Variants in CARNMT1 observed in about 807,000 individuals in gnomAD.
The protein encoded by CARNMT1 is carnosine N-methyltransferase 1.
In CARNMT1, 28 loss-of-function variants were observed where a neutral mutation model predicts 49.6. The observed-to-expected ratio is 0.56, with a 90% CI of 0.42 to 0.77. The LOEUF (loss-of-function observed/expected upper bound fraction) is 0.77, where lower values mean the gene tolerates loss of function less well. CARNMT1 is among the 30% of genes least tolerant of loss of function. The pLI, the probability that CARNMT1 is intolerant of heterozygous loss-of-function variation, is 0.00. For missense variants in CARNMT1, 421 were observed against 512.6 expected, an observed-to-expected ratio of 0.82 and a Z score of 1.73; for synonymous variants, 178 against 175.0, an observed-to-expected ratio of 1.02 and a Z score of -0.13.
chr9:75,004,131 T>C (rs1357676720), intron 3 of CARNMT1, among the ~76,000 whole-genome samples: 2 of 152,226 alleles, frequency 1.3e-5, no homozygotes, highest in South Asian at 2.1e-4. Context: ...TACTTCAGCC[T>C]CCCAAAGTGT....
chr9:75,011,320 T>C (rs1194327853), intron 3 of CARNMT1, among the ~76,000 whole-genome samples: 1 of 152,162 alleles, frequency 6.6e-6, no homozygotes, highest in Non-Finnish European at 1.5e-5. Context: ...ATGTCTTGTT[T>C]CTACCCAACA....
chr9:75,000,687 A>G (rs1833327981), intron 3 of CARNMT1, among the ~76,000 whole-genome samples: 1 of 152,142 alleles, frequency 6.6e-6, no homozygotes, highest in African/African-American at 2.4e-5. Flanking sequence ...AGCTAATATC[A>G]TGTCAGGAAG....
At position 74,982,517 on chromosome 9, in the gene CARNMT1, A is replaced by T. The variant is rs1832715451; in HGVS notation, c.*1250T>A. The T allele has an allele frequency of 1.3e-5, 2 of 152,214 alleles. No individual in the cohort carries two copies. Among genetic ancestry groups the T allele is most frequent in the Admixed American group, 6.5e-5 (1 of 15,276 alleles). The allele number at this position is 152,214 out of a possible 1,614,324, so 9.4% of individuals were successfully genotyped here. On this transcript the variant is annotated 3_prime_UTR_variant, in exon 8 of 8. Transcript: ENST00000376834. ...ATATACTGTTTAAGCTCCATCTATC[A>T]GGGAACAAAATTGGTATTAATCTGA...
intron 1 of CARNMT1, among the ~76,000 whole-genome samples, chr9:75,026,596 G>A (rs1464537102): frequency 6.6e-6 from 1 of 152,168 alleles, no homozygotes; most frequent in Non-Finnish European, 1.5e-5. Context: ...TAAACCTGGA[G>A]AAATAAAATA....
intron 3 of CARNMT1, chr9:75,010,155 T>A (rs1240143415): frequency 7.0e-6 from 1 of 143,626 alleles, no homozygotes; most frequent in African/African-American, 2.6e-5. Flanking sequence ...TGAGACGGAG[T>A]TTCGCTCTTG....
intron 3 of CARNMT1, among the ~76,000 whole-genome samples, chr9:75,014,536 A>C (rs1833789060): frequency 6.6e-6 from 1 of 152,180 alleles, no homozygotes; most frequent in Non-Finnish European, 1.5e-5. Context: ...AATGCAAGGG[A>C]AAGAGGGAGG....
At chr9:75,009,768 T>C (rs1833628993) in intron 3 of CARNMT1, 1 of 152,152 alleles carries the variant, frequency 6.6e-6, no homozygotes, top group Non-Finnish European at 1.5e-5. Context: ...TATTGTCTAC[T>C]ATTCCTTTAC....
At chr9:75,014,570 A>G (rs1022225209) in intron 3 of CARNMT1, among the ~76,000 whole-genome samples, 2 of 152,226 alleles carry the variant, frequency 1.3e-5, no homozygotes, top group African/African-American at 4.8e-5. Flanking sequence ...AGAGGAAACA[A>G]TAAAAGCAAA....
chr9:75,013,736 G>T (rs1015457095), intron 3 of CARNMT1, among the ~76,000 whole-genome samples: 3 of 152,262 alleles, frequency 2.0e-5, no homozygotes, highest in African/African-American at 4.8e-5. Context: ...AGGCACAGTG[G>T]TTTATGCCTG....
At chr9:75,008,187 A>AAC (rs796151624) in intron 3 of CARNMT1, among the ~76,000 whole-genome samples, 15 of 151,372 alleles carry the variant, frequency 9.9e-5, no homozygotes, top group African/African-American at 3.6e-4. Context: ...AAAAAAAAAA[A>AAC]AAAAAAAAAC....
At chr9:75,007,257 T>C (rs1022569333) in intron 3 of CARNMT1, among the ~76,000 whole-genome samples, 3 of 152,182 alleles carry the variant, frequency 2.0e-5, no homozygotes, top group Non-Finnish European at 4.4e-5. Flanking sequence ...ATTTAAACAA[T>C]TATTTACCAT....
chr9:75,026,811 T>TGC (rs1822541591), intron 1 of CARNMT1, among the ~76,000 whole-genome samples: 4 of 152,192 alleles, frequency 2.6e-5, no homozygotes, highest in Non-Finnish European at 5.9e-5. Flanking sequence ...GTCAAAAACT[T>TGC]GACAGACTAT....
Position 75,028,267 on chromosome 9 carries a change from C to A in CARNMT1, c.-26G>T, listed in dbSNP as rs1822592130. The A allele has an allele frequency of 1.5e-6, 2 of 1,355,074 alleles. No individual in the cohort carries two copies. Among genetic ancestry groups the A allele is most frequent in the South Asian group, 1.9e-5 (1 of 52,372 alleles). The allele number at this position is 1,355,074 out of a possible 1,614,324, so 83.9% of individuals were successfully genotyped here. ...CGCCGCCGCGGCCCTCGGCCTGGCT[C>A]GCTTGCGTCTCTCCGCGACCGACAG... is the stretch of plus-strand genomic sequence containing the variant. On this transcript the variant is annotated 5_prime_UTR_variant, in exon 1 of 8. Coordinates refer to ENST00000376834, the MANE Select transcript of CARNMT1 (RefSeq NM_152420.3).
At chr9:74,986,138 C>A (rs1235699852) in intron 6 of CARNMT1, among the ~76,000 whole-genome samples, 1 of 152,152 alleles carries the variant, frequency 6.6e-6, no homozygotes, top group Admixed American at 6.5e-5. Context: ...TCTAGACAAT[C>A]TTCTCTTTAC....
chr9:74,997,026 C>T (rs1564095106), intron 5 of CARNMT1, among the ~76,000 whole-genome samples: 2 of 152,096 alleles, frequency 1.3e-5, no homozygotes, highest in Non-Finnish European at 1.5e-5. Flanking sequence ...ACCACAACTT[C>T]GAATAATTAC....
intron 2 of CARNMT1, 65 bp downstream of exon 2, chr9:75,017,185 AAAT>A: frequency 2.4e-6 from 3 of 1,243,950 alleles, no homozygotes; most frequent in Non-Finnish European, 3.4e-6. Context: ...GAAATCCAGA[AAAT>A]AAAAGACCTC....
rs1232943137 is a variant in CARNMT1 at position 74,999,776 on chromosome 9, C to A, written c.685G>T (p.Glu229Ter). ...AMLGYACQGN[E>*]WSFFMLFSSN... Reference sequence around the variant, plus strand: ...GAAAAGAGCATAAAAAAACTCCATTCATTTCCTTGACAAGCATAACCTAGC... The same window carrying A: ...GAAAAGAGCATAAAAAAACTCCATTAATTTCCTTGACAAGCATAACCTAGC... Residue 229 changes from glutamate (E) to a stop codon, truncating the protein, a stop_gained, in exon 4 of 8, where the codon GAA (glutamate) becomes TAA (stop). Coordinates refer to ENST00000376834, the MANE Select transcript of CARNMT1 (RefSeq NM_152420.3). LOFTEE classifies it high-confidence loss of function. 6.2e-7 allele frequency: 1 copy of A among 1,612,500 alleles called. No individual in the cohort carries two copies. The highest frequency in any genetic ancestry group is 1.3e-5 in the African/African-American group (1 of 74,868).
intron 3 of CARNMT1, among the ~76,000 whole-genome samples, chr9:75,001,321 A>AAC (rs938891936): frequency 2.9e-4 from 44 of 152,330 alleles, no homozygotes; most frequent in African/African-American, 9.6e-4. Flanking sequence ...ACATAATGTT[A>AAC]ACAACAATTA....
rs1006982224 is a variant in CARNMT1, at chr9:74,980,846, G to GA, written c.*2920dup. 6.6e-6 allele frequency among the ~76,000 whole-genome samples: 1 copy of GA among 152,098 alleles called. No homozygotes were observed. Among genetic ancestry groups the GA allele is most frequent in the African/African-American group, 2.4e-5 (1 of 41,416 alleles). On this transcript the variant is annotated 3_prime_UTR_variant, in exon 8 of 8. Coordinates refer to ENST00000376834, the MANE Select transcript of CARNMT1 (RefSeq NM_152420.3). ...ACAGTGAACTTGAATGAAACAAAGTGAAAATAGTTAGTATAAGGCCTGGCA... is the reference window on the plus strand; with the variant it reads ...ACAGTGAACTTGAATGAAACAAAGTGAAAAATAGTTAGTATAAGGCCTGGCA...
Sources: gnomAD v4.1 joint callset for allele counts (sites outside exome capture counted in the v4.1 genomes callset) on GRCh38, gnomAD v4.1.1 for gene constraint, MANE v1.5 for transcripts, NCBI Gene and HGNC (gene_info 2026-07-23, HGNC 2026-07-21) for gene names.